The following COQ6 variants were observed in gnomAD, a reference collection of about 807,000 sequenced individuals.
The protein encoded by COQ6 is coenzyme Q6, monooxygenase, also known as ubiquinone biosynthesis monooxygenase COQ6, mitochondrial.
Under a neutral mutation model 55.5 loss-of-function variants are expected in COQ6, and 45 were observed. The ratio of observed to expected loss-of-function variants is 0.81; its 90% CI spans 0.64 to 1.04. The LOEUF (loss-of-function observed/expected upper bound fraction) is 1.04. Ranked by LOEUF, COQ6 falls within the 50% of genes least tolerant of loss-of-function variation. The probability of loss-of-function intolerance (pLI) is 0.00; values close to 1 mark genes in which losing one functional copy is unlikely to be tolerated. For missense variants in COQ6, 550 were observed against 601.3 expected, an observed-to-expected ratio of 0.91 and a Z score of 0.89; for synonymous variants, 206 against 230.5, an observed-to-expected ratio of 0.89 and a Z score of 0.96.
At chr14:73,957,526 G>T (rs1566686953) in intron 4 of COQ6, among the ~76,000 whole-genome samples, 1 of 152,162 alleles carries the variant, frequency 6.6e-6, no homozygotes, top group Non-Finnish European at 1.5e-5. Flanking sequence ...CTTGGCTGGG[G>T]TGCAGTGGCT....
chr14:73,951,890 A>G (rs983915343), intron 1 of COQ6, among the ~76,000 whole-genome samples: 3 of 148,130 alleles, frequency 2.0e-5, no homozygotes, highest in African/African-American at 7.4e-5. Flanking sequence ...AGGCAGGAGA[A>G]TCGCTTGAAA....
intron 11 of COQ6, among the ~76,000 whole-genome samples, chr14:73,962,269 T>G (rs2056777942): frequency 6.6e-6 from 1 of 152,160 alleles, no homozygotes. Flanking sequence ...TTCTTTGAAT[T>G]AATTTTCTTG....
At chr14:73,958,396 G>A (rs1400339793) in intron 5 of COQ6, 119 bp downstream of exon 5, 1 of 1,550,776 alleles carries the variant, frequency 6.4e-7, no homozygotes, top group African/African-American at 1.4e-5. Context: ...TTTTGGTTAT[G>A]AGGACCAGTA....
At chr14:73,959,316 C>T in intron 7 of COQ6, 92 bp downstream of exon 7, 1 of 1,614,122 alleles carries the variant, frequency 6.2e-7, no homozygotes, top group Non-Finnish European at 8.5e-7. Context: ...AGGGAATCTG[C>T]CCAGGCTGTT....
intron 2 of COQ6, among the ~76,000 whole-genome samples, chr14:73,953,977 TGCACATGGAACCAGTTA>T (rs1374101234): frequency 6.6e-6 from 1 of 152,190 alleles, no homozygotes; most frequent in Non-Finnish European, 1.5e-5. Context: ...GAATAATGTG[TGCACATGGAACCAGTTA>T]GCAAATTGTC....
intron 4 of COQ6, 165 bp from the exon 5 acceptor site, chr14:73,957,982 C>T (rs1594800308): frequency 1.2e-5 from 8 of 671,694 alleles, no homozygotes; most frequent in Non-Finnish European, 2.7e-6. Flanking sequence ...TCTGTGGCTT[C>T]TGTCATTTAT....
chr14:73,958,546 G>A (rs2056554296), intron 5 of COQ6: 3 of 1,314,774 alleles, frequency 2.3e-6, no homozygotes, highest in Non-Finnish European at 1.9e-6. Context: ...AATGGAGGCT[G>A]TTCTTTCCCT....
intron 2 of COQ6, 128 bp downstream of exon 2, chr14:73,953,697 G>A: frequency 8.1e-7 from 1 of 1,238,598 alleles, no homozygotes; most frequent in Non-Finnish European, 1.2e-6. Flanking sequence ...GGAGAGAGGG[G>A]GTGGGATTGG....
chr14:73,953,993 T>C (rs2140369125), intron 2 of COQ6, among the ~76,000 whole-genome samples: 1 of 152,310 alleles, frequency 6.6e-6, no homozygotes, highest in South Asian at 2.1e-4. Context: ...TGGAACCAGT[T>C]AGCAAATTGT....
chr14:73,955,819 CT>C lies in COQ6; in HGVS notation c.373del (p.Ser125GlnfsTer4). ...FRRMQVWDAC[S>X]EALIMFDKDN... ...TGTGTTTCCAGGTGTGGGACGCCTG[CT>C]CAGAGGCCCTGATAATGTTTGATAA... is the stretch of plus-strand genomic sequence containing the variant. On this transcript the variant is annotated frameshift_variant, in exon 4 of 12. Coordinates refer to ENST00000334571, the MANE Select transcript of COQ6 (RefSeq NM_182476.3). LOFTEE classifies it high-confidence loss of function. 4 of 1,614,140 alleles carry C rather than the reference CT, an allele frequency of 2.5e-6. No individual in the cohort carries two copies. Among genetic ancestry groups the C allele is most frequent in the Non-Finnish European group, 3.4e-6 (4 of 1,180,024 alleles).
At chr14:73,959,918 C>A in intron 8 of COQ6, 1 of 1,171,420 alleles carries the variant, frequency 8.5e-7, no homozygotes, top group Non-Finnish European at 1.1e-6. Flanking sequence ...TCAGCTGTCC[C>A]TTTCTACTTT....
At chr14:73,959,315 G>A in intron 7 of COQ6, 91 bp downstream of exon 7, 1 of 1,614,078 alleles carries the variant, frequency 6.2e-7, no homozygotes, top group Non-Finnish European at 8.5e-7. Flanking sequence ...AAGGGAATCT[G>A]CCCAGGCTGT....
At chr14:73,962,273 T>C (rs1286105238) in intron 11 of COQ6, among the ~76,000 whole-genome samples, 1 of 152,108 alleles carries the variant, frequency 6.6e-6, no homozygotes. Context: ...TTGAATTAAT[T>C]TTCTTGGCTG....
At chr14:73,950,947 C>T (rs11850094) in intron 1 of COQ6, among the ~76,000 whole-genome samples, 2,690 of 152,258 alleles carry the variant, frequency 0.018, 83 homozygotes, top group African/African-American at 0.061. Context: ...CCTATTCAGA[C>T]CCTTTGCCCG....
chr14:73,955,620 C>A, intron 3 of COQ6, 111 bp downstream of exon 3: 1 of 1,365,082 alleles, frequency 7.3e-7, no homozygotes. Flanking sequence ...ACAAGGTTCA[C>A]ATTCAGTCCG....
chr14:73,949,950 G>A (rs751881918), upstream of COQ6: 3 of 1,612,740 alleles, frequency 1.9e-6, no homozygotes, highest in Non-Finnish European at 2.5e-6. Context: ...CTTTCCCGGG[G>A]GCAGTCTCTT....
chr14:73,951,635 AT>A (rs901177141), intron 1 of COQ6, among the ~76,000 whole-genome samples: 15 of 128,734 alleles, frequency 1.2e-4, no homozygotes, highest in African/African-American at 2.5e-4. Context: ...CCATTATGAG[AT>A]TTTTTTTTTG....
At chr14:73,950,924 C>G (rs902464716) in intron 1 of COQ6, among the ~76,000 whole-genome samples, 1 of 152,196 alleles carries the variant, frequency 6.6e-6, no homozygotes, top group Admixed American at 6.5e-5. Flanking sequence ...TGTATATCTT[C>G]TTTAGAGAAA....
chr14:73,951,870 T>C (rs1190555452), intron 1 of COQ6, among the ~76,000 whole-genome samples: 1 of 148,244 alleles, frequency 6.7e-6, no homozygotes, highest in East Asian at 2.1e-4. Context: ...CATGGCTGCT[T>C]GGGAGGCTGA....
Sources: gnomAD v4.1 joint callset for allele counts (sites outside exome capture counted in the v4.1 genomes callset) on GRCh38, gnomAD v4.1.1 for gene constraint, MANE v1.5 for transcripts, NCBI Gene and HGNC (gene_info 2026-07-23, HGNC 2026-07-21) for gene names.